UBE3B: variants seen among roughly 807,000 people sequenced by gnomAD.
The protein encoded by UBE3B is ubiquitin protein ligase E3B, also known as ubiquitin-protein ligase E3B.
In UBE3B, 80 loss-of-function variants were observed where a neutral mutation model predicts 132.3. The ratio of observed to expected loss-of-function variants is 0.60; its 90% CI spans 0.50 to 0.73. UBE3B has a LOEUF of 0.73. Ranked by LOEUF, UBE3B falls within the 30% of genes least tolerant of loss-of-function variation. The pLI, the probability that UBE3B is intolerant of heterozygous loss-of-function variation, is 0.00. For missense variants in UBE3B, 1,196 were observed against 1,362.5 expected (o/e 0.88, Z 1.92); for synonymous variants, 487 against 520.4 (o/e 0.94, Z 0.87).
chr12:109,526,513 T>A, intron 24 of UBE3B, 97 bp downstream of exon 24: 1 of 1,249,038 alleles, frequency 8.0e-7, no homozygotes, highest in Non-Finnish European at 1.2e-6. Flanking sequence ...TAGATTGAAG[T>A]AGAAAGAGGC....
At chr12:109,494,650 C>G (rs1220022317) in intron 9 of UBE3B, among the ~76,000 whole-genome samples, 1 of 152,170 alleles carries the variant, frequency 6.6e-6, no homozygotes, top group Non-Finnish European at 1.5e-5. Flanking sequence ...TACAGGTAGG[C>G]TAAAGAAAGA....
intron 9 of UBE3B, among the ~76,000 whole-genome samples, 178 bp from the exon 10 acceptor site, chr12:109,497,640 A>G (rs535707959): frequency 6.6e-6 from 1 of 152,324 alleles, no homozygotes; most frequent in Admixed American, 6.5e-5. Context: ...GGCATCAGCA[A>G]CTGGACCATC....
the UBE3B span, among the ~76,000 whole-genome samples, chr12:109,543,127 T>G: frequency 6.6e-6 from 1 of 152,210 alleles, no homozygotes; most frequent in Admixed American, 6.5e-5. Flanking sequence ...ATTTAAAAAT[T>G]GTTGGCAGAT....
chr12:109,516,715 A>C, intron 18 of UBE3B, 50 bp from the exon 19 acceptor site: 1 of 1,594,584 alleles, frequency 6.3e-7, no homozygotes, highest in South Asian at 1.1e-5. Context: ...TTTTTATGGA[A>C]TCGTCAGTTT....
intron 25 of UBE3B, 30 bp downstream of exon 25, chr12:109,530,102 T>G (rs376035800): frequency 1.6e-5 from 25 of 1,595,468 alleles, no homozygotes; most frequent in African/African-American, 8.1e-5. Context: ...AAGGGTGAAA[T>G]TCCTTGGCCT....
At chr12:109,528,569 C>G (rs1217383765) in intron 24 of UBE3B, 3 of 914,558 alleles carry the variant, frequency 3.3e-6, no homozygotes, top group Non-Finnish European at 3.9e-6. Flanking sequence ...ATCAGTGATG[C>G]AAGGCTGGGT....
downstream of UBE3B, among the ~76,000 whole-genome samples, chr12:109,540,710 G>T (rs1049097022): frequency 6.6e-6 from 1 of 152,258 alleles, no homozygotes; most frequent in Non-Finnish European, 1.5e-5. Context: ...AGAAGCTATT[G>T]TGAAGTCATT....
chr12:109,499,311 G>A (rs1878652492), intron 11 of UBE3B, among the ~76,000 whole-genome samples: 1 of 152,180 alleles, frequency 6.6e-6, no homozygotes, highest in Non-Finnish European at 1.5e-5. Context: ...ACCTCTGTGT[G>A]CCTAACATTT....
intron 1 of UBE3B, among the ~76,000 whole-genome samples, chr12:109,478,942 T>TTA (rs1294306019): frequency 2.0e-5 from 3 of 152,242 alleles, no homozygotes; most frequent in Non-Finnish European, 4.4e-5. Context: ...TCCTCTTGGC[T>TTA]TAGTCAGCAG....
chr12:109,539,942 A>G (rs1175826870), downstream of UBE3B, among the ~76,000 whole-genome samples: 1 of 151,708 alleles, frequency 6.6e-6, no homozygotes, highest in Non-Finnish European at 1.5e-5. Flanking sequence ...AGCTGTAGGG[A>G]GACTCAAAGC....
intron 11 of UBE3B, among the ~76,000 whole-genome samples, chr12:109,498,659 A>G (rs967982995): frequency 1.1e-4 from 16 of 152,086 alleles, no homozygotes; most frequent in African/African-American, 3.9e-4. Flanking sequence ...ATCTCAAGAG[A>G]GAAGGGAGGG....
chr12:109,543,088 A>T, the UBE3B span, among the ~76,000 whole-genome samples: 1 of 152,244 alleles, frequency 6.6e-6, no homozygotes, highest in Admixed American at 6.5e-5. Flanking sequence ...AAAAGAAGCC[A>T]CAAATTCCAA....
In UBE3B at chr12:109,486,579, A is replaced by AG; in HGVS notation, c.447+4_447+5insG. ...TGATTTTCTCAAGCAGCTCAAGGTA[A>AG]CAAAAAAAAAAAAAAAAAAAAAAAG... On this transcript the variant is annotated splice_donor_region_variant and intron_variant, in intron 6 of 27. Coordinates refer to ENST00000342494, the MANE Select transcript of UBE3B (RefSeq NM_130466.4). The AG allele has an allele frequency of 1.3e-6, 1 of 758,924 alleles. No homozygotes were observed. Among genetic ancestry groups the AG allele is most frequent in the Non-Finnish European group, 1.8e-6 (1 of 544,946 alleles). The allele number at this position is 758,924 out of a possible 1,614,324, so 47.0% of individuals were successfully genotyped here. A position where few individuals can be genotyped will look rare whatever the true frequency, so the allele number is the denominator to read the frequency against.
chr12:109,546,168 A>T, the UBE3B span, among the ~76,000 whole-genome samples: 1 of 152,100 alleles, frequency 6.6e-6, no homozygotes, highest in Non-Finnish European at 1.5e-5. Context: ...ACATCTTAAC[A>T]GTGATGGTGA....
At chr12:109,490,858 C>T (rs1029343697) in intron 8 of UBE3B, 187 bp from the exon 9 acceptor site, 8 of 1,114,644 alleles carry the variant, frequency 7.2e-6, no homozygotes, top group Admixed American at 3.2e-5. Flanking sequence ...TGCCCTGTCA[C>T]CCAGGCTGGC....
At chr12:109,515,205 G>A (rs1404376523) in intron 18 of UBE3B, among the ~76,000 whole-genome samples, 1 of 151,794 alleles carries the variant, frequency 6.6e-6, no homozygotes, top group Non-Finnish European at 1.5e-5. Context: ...GAGCCACCGC[G>A]ACTGGCCCAT....
intron 12 of UBE3B, 25 bp from the exon 13 acceptor site, chr12:109,501,346 C>T (rs1175526830): frequency 1.2e-6 from 2 of 1,612,854 alleles, no homozygotes; most frequent in Non-Finnish European, 1.7e-6. Flanking sequence ...AACTGACAGA[C>T]CAGGTCTCCT....
intron 18 of UBE3B, among the ~76,000 whole-genome samples, chr12:109,513,900 A>G (rs1880666071): frequency 6.6e-6 from 1 of 152,026 alleles, no homozygotes; most frequent in East Asian, 1.9e-4. Flanking sequence ...TCAAGCTTCA[A>G]GCTCCCCTTA....
At chr12:109,486,416 C>A in intron 5 of UBE3B, 55 bp from the exon 6 acceptor site, 1 of 1,411,580 alleles carries the variant, frequency 7.1e-7, no homozygotes, top group Admixed American at 2.0e-5. Context: ...AGTTAGAGCA[C>A]AAGTGATATG....
Sources: gnomAD v4.1 joint callset for allele counts (sites outside exome capture counted in the v4.1 genomes callset) on GRCh38, gnomAD v4.1.1 for gene constraint, MANE v1.5 for transcripts, NCBI Gene and HGNC (gene_info 2026-07-23, HGNC 2026-07-21) for gene names.